Variants in NEK11 observed in about 807,000 individuals in gnomAD.
NEK11 encodes the protein serine/threonine-protein kinase Nek11.
Under a neutral mutation model 80.7 loss-of-function variants are expected in NEK11, and 72 were observed. The ratio of observed to expected loss-of-function variants is 0.89; its 90% CI spans 0.74 to 1.08. The LOEUF is 1.08. Among genes scored for constraint, NEK11 ranks in the 50% least tolerant of loss-of-function variants. NEK11 has a pLI of 0.00. For missense variants in NEK11, 764 were observed against 763.6 expected (o/e 1.00, Z -0.01); for synonymous variants, 251 against 260.7 (o/e 0.96, Z 0.36).
At chr3:131,087,666 A>G (rs1324486786) in intron 4 of NEK11, among the ~76,000 whole-genome samples, 2 of 152,236 alleles carry the variant, frequency 1.3e-5, no homozygotes, top group Non-Finnish European at 2.9e-5. Context: ...AAAAGTATTT[A>G]AACAAACCAA....
At chr3:131,286,335 A>G (rs545323245) in intron 17 of NEK11, among the ~76,000 whole-genome samples, 1 of 152,292 alleles carries the variant, frequency 6.6e-6, no homozygotes, top group East Asian at 1.9e-4. Context: ...AGGCTTCTTC[A>G]GTGTTCCTAG....
Position 131,347,728 on chromosome 3 carries a change from C to T in NEK11, c.1719-1829C>T, listed in dbSNP as rs1582586155. 3.3e-5 allele frequency among the ~76,000 whole-genome samples: 5 copies of T among 152,248 alleles called. No homozygotes were observed. In the South Asian group the frequency reaches 1.0e-3, roughly 32 times the overall value. On this transcript the variant is annotated intron_variant, in intron 17 of 17. Transcript: ENST00000383366. ...CCAGCACTTTGGGATCACCTGAGGT[C>T]AGGAATTCGAGACCAGCCTGGCCAA...
chr3:131,281,013 A>T (rs1001947420), intron 17 of NEK11, among the ~76,000 whole-genome samples: 1 of 152,078 alleles, frequency 6.6e-6, no homozygotes, highest in Non-Finnish European at 1.5e-5. Flanking sequence ...ATTCTCTCTC[A>T]TCCTCTCGTG....
chr3:131,063,346 C>G (rs2071271101), intron 3 of NEK11, among the ~76,000 whole-genome samples: 1 of 152,180 alleles, frequency 6.6e-6, no homozygotes, highest in African/African-American at 2.4e-5. Flanking sequence ...TTTACGTCAT[C>G]TAACCCAAGC....
chr3:131,131,834 T>A (rs918617410), intron 5 of NEK11, among the ~76,000 whole-genome samples: 2 of 152,074 alleles, frequency 1.3e-5, no homozygotes, highest in Non-Finnish European at 2.9e-5. Context: ...ATATATATAT[T>A]CAGTGCTGTA....
chr3:131,215,285 A>T (rs1324149112), intron 14 of NEK11, among the ~76,000 whole-genome samples: 6 of 83,864 alleles, frequency 7.2e-5, no homozygotes, highest in African/African-American at 1.6e-4. Flanking sequence ...GGGCGGGGGG[A>T]GGGGGAAGGG....
At chr3:131,313,004 G>A (rs561431799) in intron 17 of NEK11, among the ~76,000 whole-genome samples, 23 of 152,010 alleles carry the variant, frequency 1.5e-4, no homozygotes, top group East Asian at 1.2e-3. Context: ...AGGCCCCAGC[G>A]TCTGTTGTTC....
At chr3:131,142,246 T>C (rs1198665744) in intron 7 of NEK11, among the ~76,000 whole-genome samples, 1 of 152,162 alleles carries the variant, frequency 6.6e-6, no homozygotes, top group Non-Finnish European at 1.5e-5. Flanking sequence ...CAATTCCCCC[T>C]GTGGGGGAAG....
intron 5 of NEK11, among the ~76,000 whole-genome samples, chr3:131,111,264 T>C (rs1050719025): frequency 5.3e-5 from 8 of 152,148 alleles, no homozygotes; most frequent in Admixed American, 3.3e-4. Flanking sequence ...TTATAATTTT[T>C]AATCCTTTAA....
intron 14 of NEK11, among the ~76,000 whole-genome samples, chr3:131,203,929 A>G (rs893071181): frequency 1.3e-5 from 2 of 150,898 alleles, no homozygotes; most frequent in African/African-American, 2.4e-5. Flanking sequence ...TCTCTCACCT[A>G]CAATAGAACT....
intron 14 of NEK11, among the ~76,000 whole-genome samples, chr3:131,204,152 G>A (rs1486841268): frequency 1.3e-5 from 2 of 152,080 alleles, no homozygotes; most frequent in African/African-American, 2.4e-5. Context: ...AACCCAAAAG[G>A]ATGGAGTTTG....
chr3:131,045,573 G>T (rs910972194), intron 3 of NEK11, among the ~76,000 whole-genome samples: 5 of 152,056 alleles, frequency 3.3e-5, no homozygotes, highest in Non-Finnish European at 7.4e-5. Context: ...CTTATCATAT[G>T]GTCTGTCTTG....
chr3:131,216,651 A>G (rs565941983), intron 14 of NEK11, among the ~76,000 whole-genome samples: 4 of 150,862 alleles, frequency 2.7e-5, no homozygotes, highest in South Asian at 4.2e-4. Context: ...CATGATGCCA[A>G]TGGAAGATAG....
At chr3:131,158,942 C>T (rs577580960) in intron 10 of NEK11, among the ~76,000 whole-genome samples, 36 of 152,252 alleles carry the variant, frequency 2.4e-4, no homozygotes, top group Admixed American at 1.6e-3. Context: ...AATGAGTTGA[C>T]GACCTTGAGG....
chr3:131,308,778 C>T (rs769151935), intron 17 of NEK11, among the ~76,000 whole-genome samples: 3 of 152,044 alleles, frequency 2.0e-5, no homozygotes, highest in Non-Finnish European at 4.4e-5. Context: ...CATCATCTAA[C>T]GCAGCTGTCC....
intron 3 of NEK11, among the ~76,000 whole-genome samples, chr3:131,065,620 A>G (rs1203386486): frequency 1.3e-5 from 2 of 152,216 alleles, no homozygotes; most frequent in African/African-American, 2.4e-5. Context: ...CCCTTCCCAC[A>G]TACTTTCCCC....
At chr3:131,115,921 TC>T (rs1364265734) in intron 5 of NEK11, among the ~76,000 whole-genome samples, 9 of 97,750 alleles carry the variant, frequency 9.2e-5, no homozygotes, top group African/African-American at 3.7e-4. Context: ...TTTCTTTCTT[TC>T]TTTCTTTCTT....
intron 3 of NEK11, among the ~76,000 whole-genome samples, chr3:131,038,619 T>A (rs1297257548): frequency 1.3e-5 from 2 of 152,204 alleles, no homozygotes; most frequent in East Asian, 3.8e-4. Context: ...AAGAAACATT[T>A]AGGAAGAAGA....
chr3:131,081,304 G>A (rs2075233970), intron 4 of NEK11, among the ~76,000 whole-genome samples: 1 of 152,154 alleles, frequency 6.6e-6, no homozygotes, highest in Admixed American at 6.5e-5. Context: ...AATTTCTTCA[G>A]TGGAAGTTTG....
Sources: gnomAD v4.1 joint callset for allele counts (sites outside exome capture counted in the v4.1 genomes callset) on GRCh38, gnomAD v4.1.1 for gene constraint, MANE v1.5 for transcripts, NCBI Gene and HGNC (gene_info 2026-07-23, HGNC 2026-07-21) for gene names.